The following PDCD11 variants were observed in gnomAD, a reference collection of about 807,000 sequenced individuals.
The protein encoded by PDCD11 is programmed cell death 11.
In PDCD11, 97 loss-of-function variants were observed where a neutral mutation model predicts 198.9. The observed-to-expected ratio is 0.49, with a 90% confidence interval of 0.41 to 0.58. PDCD11 has a LOEUF of 0.58. Among genes scored for constraint, PDCD11 ranks in the 20% least tolerant of loss-of-function variants. PDCD11 has a pLI of 0.00. For missense variants in PDCD11, 2,102 were observed against 2,312.7 expected (o/e 0.91, Z 1.87); for synonymous variants, 893 against 918.0 (o/e 0.97, Z 0.49).
At chr10:103,439,266 C>A (rs954173859) in intron 27 of PDCD11, among the ~76,000 whole-genome samples, 2 of 152,134 alleles carry the variant, frequency 1.3e-5, no homozygotes, top group African/African-American at 4.8e-5. Flanking sequence ...TGCTTGAGCC[C>A]ATAAGTTCGA....
At chr10:103,420,148 G>T (rs2031345239) in intron 16 of PDCD11, among the ~76,000 whole-genome samples, 1 of 151,928 alleles carries the variant, frequency 6.6e-6, no homozygotes, top group Admixed American at 6.6e-5. Context: ...CTTAAGGTGT[G>T]TGTGACATAA....
intron 30 of PDCD11, among the ~76,000 whole-genome samples, chr10:103,441,253 G>A (rs1164955884): frequency 1.3e-5 from 2 of 152,110 alleles, no homozygotes; most frequent in Non-Finnish European, 2.9e-5. Context: ...CAGCTCTACT[G>A]TTATTTTTAT....
chr10:103,423,522 C>T, intron 18 of PDCD11, 21 bp from the exon 19 acceptor site: 1 of 1,523,748 alleles, frequency 6.6e-7, no homozygotes, highest in African/African-American at 1.4e-5. Flanking sequence ...AGGATAATCA[C>T]ACTGTGGTTC....
At position 103,444,812 on chromosome 10, in the gene PDCD11, C is replaced by A; in HGVS notation, c.5444+130C>A. On this transcript the variant is annotated intron_variant, in intron 35 of 35. Transcript: ENST00000369797. ...AACCAGCTAGATGTGATGCCCCAGGCCCAGTGACATTCACTTCAACTCCTC... is the reference window on the plus strand; with the variant it reads ...AACCAGCTAGATGTGATGCCCCAGGACCAGTGACATTCACTTCAACTCCTC... 8.6e-6 allele frequency: 7 copies of A among 815,962 alleles called. No homozygotes were observed. The South Asian group carries it at 1.1e-4, about 13-fold the overall frequency. 50.5% of individuals were successfully genotyped at this position (815,962 alleles called of 1,614,324 possible).
At position 103,442,254 on chromosome 10, in the gene PDCD11, G is replaced by T. The variant is rs1484163546; in HGVS notation, c.4749G>T (p.Lys1583Asn). 2 of 1,614,198 alleles carry T rather than the reference G, an allele frequency of 1.2e-6. No homozygotes were observed. Among genetic ancestry groups the T allele is most frequent in the Admixed American group, 3.3e-5 (2 of 60,028 alleles). Reference protein sequence around the residue: ...SKKERELEKQKAEKELSRIEE... With the variant: ...SKKERELEKQNAEKELSRIEE... ...AAGAAAGGGAGTTGGAGAAGCAGAA[G>T]GCAGAGAAGGAACTGTCCCGCATTG... The change falls in exon 32 of 36, where the codon AAG becomes AAT. Residue 1583 changes from lysine to asparagine, a missense_variant. Physicochemically the swap from Lys to Asn is moderately conservative, Grantham distance 94. Transcript: ENST00000369797.
chr10:103,423,077 G>C lies in PDCD11; in HGVS notation c.2587G>C (p.Val863Leu). The C allele has an allele frequency of 6.2e-7, 1 of 1,606,632 alleles. No individual in the cohort carries two copies. The highest frequency in any genetic ancestry group is 1.1e-5 in the South Asian group (1 of 89,734). The change falls in exon 18 of 36, where the codon GTA becomes CTA. Residue 863 changes from valine to leucine, a missense_variant. By Grantham distance (32) the Val-to-Leu change is conservative (BLOSUM62 1). Coordinates refer to ENST00000369797, the MANE Select transcript of PDCD11 (RefSeq NM_014976.2). ...VQEVLEDGSV[V>L]FSGGPVPDLV... ...GGAGGTGTTGGAAGATGGCTCTGTG[G>C]TATTCAGTGGGGGTCCAGTGCCCGA...
At chr10:103,412,806 C>T (rs1469176723) in intron 8 of PDCD11, among the ~76,000 whole-genome samples, 3 of 152,212 alleles carry the variant, frequency 2.0e-5, no homozygotes, top group Admixed American at 1.3e-4. Context: ...ACTATGTGCG[C>T]AGGCTGGTCT....
At chr10:103,441,662 G>T (rs1037877090) in intron 30 of PDCD11, among the ~76,000 whole-genome samples, 164 bp from the exon 31 acceptor site, 2 of 152,196 alleles carry the variant, frequency 1.3e-5, no homozygotes, top group African/African-American at 4.8e-5. Flanking sequence ...CTGCTATAAA[G>T]TTTCCCCAGT....
At position 103,440,317 on chromosome 10, in the gene PDCD11, G is replaced by A; in HGVS notation, c.4176G>A (p.Glu1392=). The change falls in exon 29 of 36, where the codon GAG becomes GAA. Residue 1392 remains glutamate, a synonymous_variant. Transcript: ENST00000369797. ...LRLNHQKNLV[E]LSFLPGDTGK... ...TTAACCACCAGAAGAACCTGGTAGAGCTGTCTTTCCTCCCCGGAGACACTG... is the reference window on the plus strand; with the variant it reads ...TTAACCACCAGAAGAACCTGGTAGAACTGTCTTTCCTCCCCGGAGACACTG... 6.2e-7 allele frequency: 1 copy of A among 1,614,032 alleles called. No homozygotes were observed. The highest frequency in any genetic ancestry group is 2.2e-5 in the East Asian group (1 of 44,888).
rs1271866211 is a variant in PDCD11, at chr10:103,445,872, G to A, written c.*323G>A. On this transcript the variant is annotated 3_prime_UTR_variant, in exon 36 of 36. Coordinates refer to ENST00000369797, the MANE Select transcript of PDCD11 (RefSeq NM_014976.2). ...TTCCCTGGGGAGCAAGAGTAGAGGG[G>A]CTATTCCCGAGGGTCCTGTGGTCAG... 5 of 273,210 alleles carry A rather than the reference G, an allele frequency of 1.8e-5. No individual in the cohort carries two copies. Among genetic ancestry groups the A allele is most frequent in the Admixed American group, 1.4e-4 (3 of 21,474 alleles). 16.9% of individuals were successfully genotyped at this position (273,210 alleles called of 1,614,324 possible).
At chr10:103,433,392 G>C (rs1253351027) in intron 22 of PDCD11, among the ~76,000 whole-genome samples, 12 of 152,160 alleles carry the variant, frequency 7.9e-5, no homozygotes, top group Non-Finnish European at 5.9e-5. Flanking sequence ...AGCTACCCTG[G>C]AGGCTGAGGC....
chr10:103,445,296 T>G, intron 35 of PDCD11, 82 bp from the exon 36 acceptor site: 2 of 1,336,152 alleles, frequency 1.5e-6, no homozygotes, highest in South Asian at 1.3e-5. Flanking sequence ...GTTCCAGGGC[T>G]GAGAGCAAGT....
intron 20 of PDCD11, among the ~76,000 whole-genome samples, chr10:103,426,268 A>G (rs2031689911): frequency 6.6e-6 from 1 of 152,136 alleles, no homozygotes; most frequent in African/African-American, 2.4e-5. Flanking sequence ...CATTTACTTT[A>G]AATCTAGTGC....
At chr10:103,412,466 G>T (rs373156853) in intron 8 of PDCD11, among the ~76,000 whole-genome samples, 1 of 152,092 alleles carries the variant, frequency 6.6e-6, no homozygotes, top group Non-Finnish European at 1.5e-5. Context: ...GATTACAGGT[G>T]TGTGCCACCA....
At chr10:103,436,265 C>A (rs1190087425) in intron 25 of PDCD11, among the ~76,000 whole-genome samples, 1 of 152,114 alleles carries the variant, frequency 6.6e-6, no homozygotes, top group Non-Finnish European at 1.5e-5. Context: ...CCATGCCTGG[C>A]TAATTTTTCT....
rs749292836 is a variant in PDCD11, at chr10:103,425,133, G to T, written c.2913G>T (p.Gln971His). 1 of 1,614,210 alleles carries T rather than the reference G, an allele frequency of 6.2e-7. No individual in the cohort carries two copies. The highest frequency in any genetic ancestry group is 1.3e-5 in the African/African-American group (1 of 75,046). ...TCCGCTTTGACTCAGAGAAATTGCA[G>T]GTGGGACAGGGTGTCTCCCTAACCC... Reference protein sequence around the residue: ...DTFRFDSEKLQVGQGVSLTLK... With the variant: ...DTFRFDSEKLHVGQGVSLTLK... Residue 971 changes from glutamine to histidine, a missense_variant, in exon 20 of 36, where the codon CAG becomes CAT. Physicochemically the swap from Gln to His is conservative, Grantham distance 24. Coordinates refer to ENST00000369797, the MANE Select transcript of PDCD11 (RefSeq NM_014976.2).
Position 103,438,934 on chromosome 10 carries a change from C to T in PDCD11, c.4025+126C>T. ...ATGAAGGGAGGAGAGTTTATGAGTC[C>T]CCACTCATTTTTAAAATTCCAAGTT... On this transcript the variant is annotated intron_variant, in intron 27 of 35. Transcript: ENST00000369797. 8 of 918,954 alleles carry T rather than the reference C, an allele frequency of 8.7e-6. No homozygotes were observed. The South Asian group carries it at 1.3e-4, about 14-fold the overall frequency. 56.9% of individuals were successfully genotyped at this position (918,954 alleles called of 1,614,324 possible). A position where few individuals can be genotyped will look rare whatever the true frequency, so the allele number is the denominator to read the frequency against.
At chr10:103,407,487 C>T (rs1342801422) in intron 7 of PDCD11, among the ~76,000 whole-genome samples, 2 of 151,890 alleles carry the variant, frequency 1.3e-5, no homozygotes, top group Non-Finnish European at 2.9e-5. Flanking sequence ...GGCGTGAACC[C>T]AGGAGGTGGA....
At chr10:103,405,409 CTTTT>C in intron 5 of PDCD11, 1 of 291,202 alleles carries the variant, frequency 3.4e-6, no homozygotes. Context: ...GTCCAAATTT[CTTTT>C]TTTTTTTTGA....
Sources: allele counts gnomAD v4.1 joint callset (sites outside exome capture counted in the v4.1 genomes callset), GRCh38; gene constraint gnomAD v4.1.1; transcripts MANE v1.5; gene names NCBI Gene and HGNC (gene_info 2026-07-23, HGNC 2026-07-21).